Variants in NUP58 observed in about 807,000 individuals in gnomAD.
NUP58 encodes the protein nucleoporin 58, also known as nucleoporin p58/p45.
Under a neutral mutation model 70.1 loss-of-function variants are expected in NUP58, and 17 were observed. The observed-to-expected ratio is 0.24, with a 90% CI of 0.17 to 0.36. The LOEUF (loss-of-function observed/expected upper bound fraction) is 0.36, where lower values mean the gene tolerates loss of function less well. NUP58 is among the 10% of genes least tolerant of loss of function. The probability of loss-of-function intolerance (pLI) is 1.00; values close to 1 mark genes in which losing one functional copy is unlikely to be tolerated. For missense variants in NUP58, 644 were observed against 701.5 expected (o/e 0.92, Z 0.93); for synonymous variants, 275 against 257.6 (o/e 1.07, Z -0.65).
Position 25,307,211 on chromosome 13 carries a change from A to ATTTTTTTTTTT in NUP58, c.108-584_108-574dup, listed in dbSNP as rs72132780. On this transcript the variant is annotated intron_variant, in intron 1 of 15. Transcript: ENST00000381736. ...TGCTTTTCTTGAAATCTGGTATTGT[A>ATTTTTTTTTTT]TTTTTTTTTTTTTTTTTTTTTGAGA... Among the ~76,000 whole-genome samples the ATTTTTTTTTTT allele has an allele frequency of 4.1e-5, 4 of 98,606 alleles. 1 individual carries two copies. The highest frequency in any genetic ancestry group is 7.6e-5 in the Non-Finnish European group (4 of 52,942). 64.7% of individuals were successfully genotyped at this position (98,606 alleles called of 152,430 possible). A position where few individuals can be genotyped will look rare whatever the true frequency, so the allele number is the denominator to read the frequency against.
chr13:25,346,809 G>A (rs1369714542), downstream of NUP58, among the ~76,000 whole-genome samples: 1 of 151,772 alleles, frequency 6.6e-6, no homozygotes, highest in Non-Finnish European at 1.5e-5. Context: ...GTGGCTTTGA[G>A]GAATAAATAT....
chr13:25,331,714 ACCTG>A, intron 13 of NUP58, 156 bp downstream of exon 13: 1 of 1,436,512 alleles, frequency 7.0e-7, no homozygotes, highest in Admixed American at 2.8e-5. Context: ...TTATAAACAT[ACCTG>A]ATAAAAAAGG....
At chr13:25,308,975 C>CT (rs1208955596) in intron 2 of NUP58, among the ~76,000 whole-genome samples, 9 of 151,948 alleles carry the variant, frequency 5.9e-5, no homozygotes, top group Non-Finnish European at 1.2e-4. Flanking sequence ...TTTGGAGTTG[C>CT]TTTTTTTGGT....
intron 14 of NUP58, among the ~76,000 whole-genome samples, chr13:25,338,307 G>A (rs1254286330): frequency 2.6e-5 from 4 of 152,092 alleles, no homozygotes; most frequent in African/African-American, 9.7e-5. Context: ...AAGTGGAAAT[G>A]GTTATAACTG....
intron 12 of NUP58, 135 bp downstream of exon 12, chr13:25,327,647 T>A: frequency 1.8e-6 from 1 of 545,940 alleles, no homozygotes; most frequent in South Asian, 3.0e-5. Flanking sequence ...ACTACTATAA[T>A]CCATAACATA....
rs1256702309 is a variant in NUP58 at position 25,342,066 on chromosome 13, C to T, written c.*1932C>T. Reference sequence around the variant, plus strand: ...TTGAAATAAGGAAAATTATTTATCTCTGAGCACTAAACTTATTTTTGCATA... The same window carrying T: ...TTGAAATAAGGAAAATTATTTATCTTTGAGCACTAAACTTATTTTTGCATA... On this transcript the variant is annotated 3_prime_UTR_variant, in exon 16 of 16. Transcript: ENST00000381736. The T allele has an allele frequency of 6.6e-6, 1 of 152,120 alleles. No homozygotes were observed. Among genetic ancestry groups the T allele is most frequent in the Admixed American group, 6.5e-5 (1 of 15,278 alleles). The allele number at this position is 152,120 out of a possible 1,614,324, so 9.4% of individuals were successfully genotyped here. A position where few individuals can be genotyped will look rare whatever the true frequency, so the allele number is the denominator to read the frequency against.
At chr13:25,334,374 C>A (rs978504741) in intron 13 of NUP58, 1 of 985,072 alleles carries the variant, frequency 1.0e-6, no homozygotes, top group African/African-American at 1.7e-5. Flanking sequence ...ATAAGACTTT[C>A]TTATGTGACT....
intron 1 of NUP58, among the ~76,000 whole-genome samples, chr13:25,302,706 C>T (rs1385411873): frequency 6.6e-6 from 1 of 152,082 alleles, no homozygotes; most frequent in African/African-American, 2.4e-5. Flanking sequence ...ACACTGTCAA[C>T]AAGATACTTC....
intron 1 of NUP58, chr13:25,302,915 C>G (rs755078689): frequency 4.4e-6 from 2 of 453,682 alleles, no homozygotes; most frequent in African/African-American, 2.0e-5. Context: ...TTCTGTTTGT[C>G]TTTATTTCCA....
At chr13:25,332,500 G>A (rs1209516068) in intron 13 of NUP58, 2 of 984,028 alleles carry the variant, frequency 2.0e-6, no homozygotes, top group Non-Finnish European at 1.2e-6. Flanking sequence ...GTCTTTCTGA[G>A]AGTTCCATAT....
intron 12 of NUP58, among the ~76,000 whole-genome samples, chr13:25,327,936 T>TA (rs2031459320): frequency 6.6e-6 from 1 of 152,086 alleles, no homozygotes; most frequent in African/African-American, 2.4e-5. Context: ...CACAGTGGCT[T>TA]ACACCTGTAA....
intron 9 of NUP58, among the ~76,000 whole-genome samples, chr13:25,321,829 A>G (rs981125041): frequency 6.6e-6 from 1 of 152,206 alleles, no homozygotes; most frequent in African/African-American, 2.4e-5. Flanking sequence ...AGGCAGGAGA[A>G]TCGCTTGAAC....
At chr13:25,342,881 C>CTT (rs1333570477), downstream of NUP58, among the ~76,000 whole-genome samples, 1 of 151,818 alleles carries the variant, frequency 6.6e-6, no homozygotes, top group African/African-American at 2.4e-5. Flanking sequence ...TGGACTTGTT[C>CTT]TTTTTCCCTT....
chr13:25,308,017 T>C, intron 2 of NUP58, 69 bp downstream of exon 2: 1 of 1,562,564 alleles, frequency 6.4e-7, no homozygotes, highest in Non-Finnish European at 8.7e-7. Flanking sequence ...GTGTCCTGTA[T>C]CTCTCTTTAC....
Position 25,312,968 on chromosome 13 carries a change from A to G in NUP58, c.372A>G (p.Leu124=), listed in dbSNP as rs1478760982. 6.2e-7 allele frequency: 1 copy of G among 1,614,168 alleles called. No homozygotes were observed. The highest frequency in any genetic ancestry group is 2.2e-5 in the East Asian group (1 of 44,886). ...CAGCATCTGCCACACCATTTGCTCT[A>G]CCTATTACCTCTACCTCAGCTAGCG... is the stretch of plus-strand genomic sequence containing the variant. ...KPAASATPFA[L]PITSTSASGL... Residue 124 remains leucine, a synonymous_variant, in exon 4 of 16, where the codon CTA becomes CTG. Coordinates refer to ENST00000381736, the MANE Select transcript of NUP58 (RefSeq NM_014089.4).
At chr13:25,317,059 T>C (rs189740192) in intron 6 of NUP58, among the ~76,000 whole-genome samples, 1 of 152,312 alleles carries the variant, frequency 6.6e-6, no homozygotes, top group African/African-American at 2.4e-5. Flanking sequence ...ATGATTTCTG[T>C]GTTTCTAGTA....
At chr13:25,345,138 T>G (rs1261454905), downstream of NUP58, among the ~76,000 whole-genome samples, 2 of 152,216 alleles carry the variant, frequency 1.3e-5, no homozygotes, top group Non-Finnish European at 2.9e-5. Context: ...AGTCTGAATA[T>G]TACTGTGTAA....
intron 13 of NUP58, chr13:25,334,023 C>A: frequency 1.0e-6 from 1 of 985,194 alleles, no homozygotes; most frequent in Non-Finnish European, 1.2e-6. Context: ...ACTTAAACGA[C>A]TTCTTTGTCC....
downstream of NUP58, among the ~76,000 whole-genome samples, chr13:25,345,570 G>A (rs2032039155): frequency 1.6e-5 from 1 of 62,052 alleles, no homozygotes; most frequent in East Asian, 6.4e-4. Flanking sequence ...CCAGCAACTG[G>A]ATGATGGGGG....
Sources: allele counts gnomAD v4.1 joint callset (sites outside exome capture counted in the v4.1 genomes callset), GRCh38; gene constraint gnomAD v4.1.1; transcripts MANE v1.5; gene names NCBI Gene and HGNC (gene_info 2026-07-23, HGNC 2026-07-21).